Variants in PARP12 observed in about 807,000 individuals in gnomAD.
The protein encoded by PARP12 is poly(ADP-ribose) polymerase family member 12.
In PARP12, 59 loss-of-function variants were observed where a neutral mutation model predicts 72.4. That is an observed-to-expected ratio of 0.81 (90% CI 0.66 to 1.01). PARP12 has a LOEUF of 1.01. Ranked by LOEUF, PARP12 falls within the 50% of genes least tolerant of loss-of-function variation. The pLI, the probability that PARP12 is intolerant of heterozygous loss-of-function variation, is 0.00. For missense variants in PARP12, 851 were observed against 914.0 expected, an observed-to-expected ratio of 0.93 and a Z score of 0.89; for synonymous variants, 403 against 371.4, an observed-to-expected ratio of 1.09 and a Z score of -0.98.
chr7:140,033,483 A>C (rs1184526406), intron 8 of PARP12: 2 of 985,330 alleles, frequency 2.0e-6, no homozygotes, highest in East Asian at 2.3e-4. Flanking sequence ...TGGCAAGCCC[A>C]AACTGTATGG....
chr7:140,059,052 G>A (rs182174098), intron 1 of PARP12, among the ~76,000 whole-genome samples: 5 of 150,412 alleles, frequency 3.3e-5, no homozygotes, highest in East Asian at 2.0e-4. Context: ...CCAAGATTGC[G>A]CCATTGCACT....
intron 4 of PARP12, among the ~76,000 whole-genome samples, chr7:140,051,819 C>G (rs1816973181): frequency 6.6e-6 from 1 of 152,228 alleles, no homozygotes; most frequent in Non-Finnish European, 1.5e-5. Flanking sequence ...GAATGAGCAG[C>G]AGCCTTGTGG....
chr7:140,057,045 A>C lies in PARP12; in HGVS notation c.571T>G (p.Phe191Val). The change falls in exon 3 of 12, where the codon TTT (phenylalanine) becomes GTT (valine). Residue 191 changes from phenylalanine (F) to valine (V), a missense_variant. By Grantham distance (50) the Phe-to-Val change is conservative. Transcript: ENST00000263549. Reference protein sequence around the residue: ...CQYFLQGECKFGTSCKRSHDF... With the variant: ...CQYFLQGECKVGTSCKRSHDF... ...TGGGATCTCTTACAGCTAGTGCCAA[A>C]CTTGCATTCCCCCTGTAAAAAATAC... is the stretch of plus-strand genomic sequence containing the variant. 6.2e-7 allele frequency: 1 copy of C among 1,614,262 alleles called. No homozygotes were observed. The highest frequency in any genetic ancestry group is 8.5e-7 in the Non-Finnish European group (1 of 1,180,048).
chr7:140,059,654 C>G (rs1376682463), intron 1 of PARP12, among the ~76,000 whole-genome samples: 1 of 152,192 alleles, frequency 6.6e-6, no homozygotes, highest in African/African-American at 2.4e-5. Context: ...TTTACAGAAT[C>G]CCCCAGCTCA....
chr7:140,032,969 T>G (rs930175107), intron 8 of PARP12, among the ~76,000 whole-genome samples: 9 of 152,158 alleles, frequency 5.9e-5, no homozygotes, highest in African/African-American at 2.2e-4. Flanking sequence ...ATTATTATTT[T>G]TGAGACGGGT....
At chr7:140,060,898 C>A (rs76896584) in intron 1 of PARP12, among the ~76,000 whole-genome samples, 1 of 152,172 alleles carries the variant, frequency 6.6e-6, no homozygotes, top group Non-Finnish European at 1.5e-5. Context: ...ACCAGCCCAG[C>A]GCATTGGGGC....
At chr7:140,039,714 A>G (rs1198976224) in intron 6 of PARP12, among the ~76,000 whole-genome samples, 1 of 152,210 alleles carries the variant, frequency 6.6e-6, no homozygotes, top group Non-Finnish European at 1.5e-5. Context: ...ACTAAAAAAG[A>G]AACCTAAATG....
chr7:140,054,640 G>A (rs777272205), intron 4 of PARP12, 22 bp downstream of exon 4: 4 of 1,564,526 alleles, frequency 2.6e-6, no homozygotes. Context: ...CAAGTGGAAT[G>A]AAGGAGCCTC....
chr7:140,041,985 G>C (rs920150739), intron 5 of PARP12, 146 bp from the exon 6 acceptor site: 1 of 641,518 alleles, frequency 1.6e-6, no homozygotes, highest in African/African-American at 1.8e-5. Context: ...AGAGGAAACT[G>C]CTTTTTCAGA....
rs375601511 is a variant in PARP12 at position 140,034,495 on chromosome 7, A to G, written c.1325-164T>C. 7.7e-6 allele frequency: 4 copies of G among 519,462 alleles called. No homozygotes were observed. In the African/African-American group the frequency reaches 7.8e-5, roughly 10 times the overall value. 32.2% of individuals were successfully genotyped at this position (519,462 alleles called of 1,614,324 possible). ...TAGGGCCATTTTACACATTTCAAAT[A>G]TTCATAAAGAAAATAGGTATCCTTA... is the stretch of plus-strand genomic sequence containing the variant. On this transcript the variant is annotated intron_variant, in intron 7 of 11. Transcript: ENST00000263549.
Position 140,024,432 on chromosome 7 carries a change from A to C in PARP12, c.*128T>G, listed in dbSNP as rs765973437. The stretch of plus-strand genomic sequence containing the variant: ...TCATTATTAGCAAGAGATTAAGAAC[A>C]TAACTTCATTGAGAGGTCAATGTTA... On this transcript the variant is annotated 3_prime_UTR_variant, in exon 12 of 12. Transcript: ENST00000263549. The C allele has an allele frequency of 3.8e-6, 4 of 1,045,544 alleles. No homozygotes were observed. The highest frequency in any genetic ancestry group is 4.3e-6 in the Non-Finnish European group (3 of 693,354). 64.8% of individuals were successfully genotyped at this position (1,045,544 alleles called of 1,614,324 possible). A position where few individuals can be genotyped will look rare whatever the true frequency, so the allele number is the denominator to read the frequency against.
chr7:140,033,564 G>A (rs1816029773), intron 8 of PARP12: 3 of 985,236 alleles, frequency 3.0e-6, no homozygotes, highest in Admixed American at 6.2e-5. Context: ...GGAGAACACT[G>A]ACCCCTTCCT....
chr7:140,040,706 G>A (rs1224879608), intron 6 of PARP12, among the ~76,000 whole-genome samples: 1 of 152,196 alleles, frequency 6.6e-6, no homozygotes, highest in Non-Finnish European at 1.5e-5. Context: ...AAACCCAGAA[G>A]AGTACAAAAT....
At chr7:140,032,803 T>G (rs1815991766) in intron 8 of PARP12, among the ~76,000 whole-genome samples, 1 of 151,910 alleles carries the variant, frequency 6.6e-6, no homozygotes, top group Non-Finnish European at 1.5e-5. Flanking sequence ...AAGAGAAACA[T>G]AAAAAAGAGA....
chr7:140,041,466 A>C (rs1158056376), intron 6 of PARP12, 178 bp downstream of exon 6: 1 of 556,664 alleles, frequency 1.8e-6, no homozygotes, highest in African/African-American at 1.9e-5. Flanking sequence ...GCTCATACAA[A>C]TAAATTCCAA....
chr7:140,062,301 C>G (rs571504438), intron 1 of PARP12, among the ~76,000 whole-genome samples: 27 of 152,278 alleles, frequency 1.8e-4, no homozygotes, highest in African/African-American at 5.1e-4. Context: ...CTCTCTCCCC[C>G]CAGGCGTCTA....
chr7:140,049,240 A>G (rs944993327), intron 4 of PARP12, among the ~76,000 whole-genome samples: 1 of 152,146 alleles, frequency 6.6e-6, no homozygotes, highest in African/African-American at 2.4e-5. Context: ...ACACCCAAGC[A>G]AGGAAACTCC....
chr7:140,061,845 G>T (rs1049368113), intron 1 of PARP12, among the ~76,000 whole-genome samples: 2 of 151,886 alleles, frequency 1.3e-5, no homozygotes, highest in African/African-American at 4.9e-5. Context: ...CCAAGAGTAA[G>T]GGGAGGAAAA....
intron 4 of PARP12, among the ~76,000 whole-genome samples, chr7:140,048,355 G>T (rs1019762431): frequency 3.9e-5 from 6 of 151,992 alleles, no homozygotes; most frequent in African/African-American, 1.2e-4. Flanking sequence ...CCCTGTCTTT[G>T]CTGGTGCCTG....
Sources: gnomAD v4.1 joint callset for allele counts (sites outside exome capture counted in the v4.1 genomes callset) on GRCh38, gnomAD v4.1.1 for gene constraint, MANE v1.5 for transcripts, NCBI Gene and HGNC (gene_info 2026-07-23, HGNC 2026-07-21) for gene names.